The following STRADA variants were observed in gnomAD, a reference collection of about 807,000 sequenced individuals.
The protein encoded by STRADA is STE20-related kinase adapter protein alpha.
STRADA carries 26 observed loss-of-function variants against 55.0 expected under a neutral mutation model. That is an observed-to-expected ratio of 0.47 (90% CI 0.35 to 0.66). STRADA has a LOEUF of 0.66. Among genes scored for constraint, STRADA ranks in the 30% least tolerant of loss-of-function variants. The pLI is 0.01. For synonymous variants in STRADA, 197 were observed against 210.9 expected (o/e 0.93, Z 0.57); for missense variants, 443 against 549.7 (o/e 0.81, Z 1.94).
intron 1 of STRADA, among the ~76,000 whole-genome samples, chr17:63,737,164 G>A (rs558058393): frequency 2.1e-4 from 30 of 145,668 alleles, no homozygotes; most frequent in Non-Finnish European, 3.4e-4. Flanking sequence ...CAGGAGAATC[G>A]CTTGAACCTG....
At chr17:63,711,486 G>A (rs79312522) in intron 6 of STRADA, among the ~76,000 whole-genome samples, 5,188 of 152,144 alleles carry the variant, frequency 0.034, 312 homozygotes, top group African/African-American at 0.12. Flanking sequence ...TGGTAGCTGC[G>A]ACCACAGGTG....
intron 10 of STRADA, chr17:63,704,941 T>C: frequency 6.5e-7 from 1 of 1,528,890 alleles, no homozygotes; most frequent in Non-Finnish European, 8.8e-7. Context: ...TGAACCTGCT[T>C]TGAAGCCCAG....
At chr17:63,711,065 C>T (rs2036467797) in intron 6 of STRADA, 1 of 541,344 alleles carries the variant, frequency 1.8e-6, no homozygotes, top group East Asian at 3.1e-5. Flanking sequence ...CTGCCAACAA[C>T]AAAGGGTGCC....
In STRADA at chr17:63,740,147, T is replaced by TATAC. The variant is rs1401201419; in HGVS notation, c.-45+1593_-45+1594insGTAT. Among the ~76,000 whole-genome samples, 205 of 67,006 alleles carry TATAC rather than the reference T, an allele frequency of 3.1e-3. 8 individuals carry two copies. Among genetic ancestry groups the TATAC allele is most frequent in the Middle Eastern group, 7.7e-3 (1 of 130 alleles). The allele number at this position is 67,006 out of a possible 152,430, so 44.0% of individuals were successfully genotyped here. A position where few individuals can be genotyped will look rare whatever the true frequency, so the allele number is the denominator to read the frequency against. ...ATATATACACATACATATATATATATACACACACACACACACACACACACA... is the reference window on the plus strand; with the variant it reads ...ATATATACACATACATATATATATATATACACACACACACACACACACACACACA... On this transcript the variant is annotated intron_variant, in intron 1 of 12. Coordinates refer to ENST00000336174, the MANE Select transcript of STRADA (RefSeq NM_001003787.4).
chr17:63,734,385 G>A (rs1230615265), intron 1 of STRADA, among the ~76,000 whole-genome samples: 1 of 152,208 alleles, frequency 6.6e-6, no homozygotes, highest in African/African-American at 2.4e-5. Flanking sequence ...GCTCATACCT[G>A]TAATCCCAGC....
chr17:63,730,050 A>C (rs1488269336), intron 1 of STRADA, among the ~76,000 whole-genome samples: 6 of 151,668 alleles, frequency 4.0e-5, no homozygotes, highest in Non-Finnish European at 8.8e-5. Context: ...TGGCCAGGCT[A>C]GTCTCGAACT....
chr17:63,710,936 T>C lies in STRADA; in HGVS notation c.349-100A>G, dbSNP rs2036458746. On this transcript the variant is annotated intron_variant, in intron 6 of 12. Transcript: ENST00000336174. The stretch of plus-strand genomic sequence containing the variant: ...TGGACAATAGGGGGACCTGGCACTT[T>C]CTGGGTGTTCTCAGAGTCATGGGAA... 6.3e-5 allele frequency: 67 copies of C among 1,066,990 alleles called. 1 individual carries two copies. The South Asian group carries it at 6.7e-4, about 11-fold the overall frequency. 66.1% of individuals were successfully genotyped at this position (1,066,990 alleles called of 1,614,324 possible).
At chr17:63,720,642 C>T (rs111725844) in intron 4 of STRADA, among the ~76,000 whole-genome samples, 4,926 of 151,938 alleles carry the variant, frequency 0.032, 126 homozygotes, top group Non-Finnish European at 0.046. Context: ...GGCATGGCAG[C>T]GGGCACCTGC....
intron 4 of STRADA, among the ~76,000 whole-genome samples, chr17:63,719,486 CTT>C (rs1342178523): frequency 1.2e-4 from 17 of 144,668 alleles, no homozygotes; most frequent in Non-Finnish European, 1.1e-4. Context: ...ATAGATACTA[CTT>C]TTTTTTTTTT....
chr17:63,704,142 C>T (rs2035905835), intron 11 of STRADA, 95 bp from the exon 12 acceptor site: 1 of 1,549,534 alleles, frequency 6.5e-7, no homozygotes, highest in African/African-American at 1.4e-5. Flanking sequence ...GGTCCCCTCT[C>T]CCTCTCCCTC....
intron 10 of STRADA, chr17:63,705,102 C>A (rs2035996267): frequency 3.2e-6 from 2 of 634,590 alleles, no homozygotes; most frequent in Admixed American, 2.5e-5. Flanking sequence ...CCCAACTCAA[C>A]ACATATAAAA....
intron 3 of STRADA, among the ~76,000 whole-genome samples, chr17:63,725,282 G>T (rs757636792): frequency 1.3e-5 from 2 of 152,128 alleles, no homozygotes; most frequent in Admixed American, 6.5e-5. Context: ...CTATCTGGGC[G>T]TATTTTGGAT....
chr17:63,727,007 A>G (rs1250812813), intron 2 of STRADA: 1 of 340,042 alleles, frequency 2.9e-6, no homozygotes, highest in African/African-American at 2.1e-5. Context: ...TCTACATTAC[A>G]GATGCCTTGG....
rs36091754 is a variant in STRADA at position 63,728,735 on chromosome 17, TAAAAAA to T, written c.-44-328_-44-323del. On this transcript the variant is annotated intron_variant, in intron 1 of 12. Transcript: ENST00000336174. ...CCAACATGGTGAAACCCCATCTCTATAAAAAAAAAAAAAAAAAAAAAAAAAGCCAGG... is the reference window on the plus strand; with the variant it reads ...CCAACATGGTGAAACCCCATCTCTATAAAAAAAAAAAAAAAAAAAGCCAGG... Among the ~76,000 whole-genome samples, 84 of 112,412 alleles carry T rather than the reference TAAAAAA, an allele frequency of 7.5e-4. 1 individual carries two copies. Among genetic ancestry groups the T allele is most frequent in the East Asian group, 1.3e-3 (5 of 3,840 alleles). 73.7% of individuals were successfully genotyped at this position (112,412 alleles called of 152,430 possible).
chr17:63,736,403 G>A (rs1430684849), intron 1 of STRADA, among the ~76,000 whole-genome samples: 1 of 151,834 alleles, frequency 6.6e-6, no homozygotes, highest in Non-Finnish European at 1.5e-5. Context: ...TGAAGCGGGT[G>A]GATCATCTGA....
At chr17:63,730,503 C>T (rs140792862) in intron 1 of STRADA, among the ~76,000 whole-genome samples, 222 of 152,036 alleles carry the variant, frequency 1.5e-3, no homozygotes, top group Middle Eastern at 0.01. Flanking sequence ...TCCAACCATC[C>T]TCCCACCTCA....
At chr17:63,707,156 G>A in intron 9 of STRADA, 91 bp downstream of exon 9, 1 of 1,534,034 alleles carries the variant, frequency 6.5e-7, no homozygotes. Flanking sequence ...CCCACTGGGA[G>A]GTTGAGAGCC....
chr17:63,706,736 G>T lies in STRADA; in HGVS notation c.757C>A (p.Leu253Ile). 6.2e-7 allele frequency: 1 copy of T among 1,613,076 alleles called. No homozygotes were observed. The highest frequency in any genetic ancestry group is 8.5e-7 in the Non-Finnish European group (1 of 1,179,276). The change falls in exon 10 of 13, where the codon CTC (leucine) becomes ATC (isoleucine). Residue 253 changes from leucine to isoleucine, a missense_variant. Physicochemically the swap from Leu to Ile is conservative, Grantham distance 5. Coordinates refer to ENST00000336174, the MANE Select transcript of STRADA (RefSeq NM_001003787.4). The part of the protein sequence containing the change: ...WLSPEVLQQN[L>I]QGYDAKSDIY... ...TCAGACTTGGCATCATAACCCTGGA[G>T]ATTCTAAGCCAGAAAAAAAAGGCCA...
intron 10 of STRADA, 132 bp downstream of exon 10, chr17:63,706,501 TGG>T: frequency 1.4e-6 from 1 of 694,622 alleles, no homozygotes; most frequent in Non-Finnish European, 2.5e-6. Context: ...CCCCACTGGG[TGG>T]GACTTCTTGA....
Sources: allele counts gnomAD v4.1 joint callset (sites outside exome capture counted in the v4.1 genomes callset), GRCh38; gene constraint gnomAD v4.1.1; transcripts MANE v1.5; gene names NCBI Gene and HGNC (gene_info 2026-07-23, HGNC 2026-07-21).